The following DNAJC11 variants were observed in gnomAD, a reference collection of about 807,000 sequenced individuals.
The protein encoded by DNAJC11 is dnaJ homolog subfamily C member 11.
In DNAJC11, 15 loss-of-function variants were observed where a neutral mutation model predicts 78.6. The ratio of observed to expected loss-of-function variants is 0.19; its 90% confidence interval spans 0.13 to 0.29. DNAJC11 has a LOEUF of 0.29. Ranked by LOEUF, DNAJC11 falls within the 10% of genes least tolerant of loss-of-function variation. The pLI is 1.00. For synonymous variants in DNAJC11, 292 were observed against 272.1 expected, an observed-to-expected ratio of 1.07 and a Z score of -0.72; for missense variants, 547 against 709.6, an observed-to-expected ratio of 0.77 and a Z score of 2.60.
At chr1:6,636,505 G>C (rs1641771473) in intron 14 of DNAJC11, among the ~76,000 whole-genome samples, 1 of 152,204 alleles carries the variant, frequency 6.6e-6, no homozygotes, top group African/African-American at 2.4e-5. Flanking sequence ...GAGCTAACCT[G>C]CATTTTCATC....
At chr1:6,677,736 T>TCTACTACTGCTCA (rs1553130237) in intron 3 of DNAJC11, among the ~76,000 whole-genome samples, 1 of 152,240 alleles carries the variant, frequency 6.6e-6, no homozygotes, top group African/African-American at 2.4e-5. Flanking sequence ...CTACTGCTAG[T>TCTACTACTGCTCA]CAGTGGCAGT....
chr1:6,686,093 CTTAT>C (rs1228195818), intron 1 of DNAJC11, among the ~76,000 whole-genome samples: 1 of 152,120 alleles, frequency 6.6e-6, no homozygotes, highest in Admixed American at 6.5e-5. Flanking sequence ...GTATTTGTGT[CTTAT>C]TTTACAACAA....
At chr1:6,654,060 G>A (rs367617834) in intron 4 of DNAJC11, 21 bp from the exon 5 acceptor site, 13 of 1,610,020 alleles carry the variant, frequency 8.1e-6, no homozygotes, top group African/African-American at 2.7e-5. Context: ...AAAACAAGCC[G>A]TCAGCAGAAC....
intron 4 of DNAJC11, among the ~76,000 whole-genome samples, chr1:6,664,915 A>G (rs1187658727): frequency 6.6e-6 from 1 of 151,998 alleles, no homozygotes; most frequent in African/African-American, 2.4e-5. Context: ...GGAAATCCCT[A>G]CCTAATCTGC....
In DNAJC11 at chr1:6,638,376, G is replaced by C. The variant is rs750444549; in HGVS notation, c.1254-12C>G. On this transcript the variant is annotated splice_polypyrimidine_tract_variant and intron_variant, in intron 11 of 15. Transcript: ENST00000377577. ...GCTTCTCCAATTCCCTTACGCGAGA[G>C]GAACACAAGCCCCACGTTAGCGCGG... The C allele has an allele frequency of 1.2e-6, 2 of 1,612,254 alleles. No individual in the cohort carries two copies. Among genetic ancestry groups the C allele is most frequent in the Non-Finnish European group, 1.7e-6 (2 of 1,179,108 alleles).
intron 1 of DNAJC11, among the ~76,000 whole-genome samples, chr1:6,692,783 G>T (rs557056520): frequency 1.3e-5 from 2 of 151,360 alleles, no homozygotes; most frequent in Non-Finnish European, 2.9e-5. Context: ...GCTAATTTTT[G>T]TATTTTTAGT....
chr1:6,662,015 G>A lies in DNAJC11; in HGVS notation c.378+5694C>T, dbSNP rs931174746. Among the ~76,000 whole-genome samples, 4 of 151,994 alleles carry A rather than the reference G, an allele frequency of 2.6e-5. No individual in the cohort carries two copies. The East Asian group carries it at 5.8e-4, about 22-fold the overall frequency. ...TTGAAGGCTGGAGCCAGGCTGGCACGATCCTGGCTTACTGCAACCTCCACC... is the reference window on the plus strand; with the variant it reads ...TTGAAGGCTGGAGCCAGGCTGGCACAATCCTGGCTTACTGCAACCTCCACC... On this transcript the variant is annotated intron_variant, in intron 4 of 15. Transcript: ENST00000377577.
At chr1:6,659,675 T>C (rs201172) in intron 4 of DNAJC11, among the ~76,000 whole-genome samples, 107,256 of 151,978 alleles carry the variant, frequency 0.71, 38,200 homozygotes, top group Middle Eastern at 0.8. Flanking sequence ...GCAGAAGAAT[T>C]GCTTGAATCC....
rs765483208 is a variant in DNAJC11 at position 6,637,179 on chromosome 1, G to A, written c.1524+19C>T. 1.2e-6 allele frequency: 2 copies of A among 1,613,932 alleles called. No individual in the cohort carries two copies. The highest frequency in any genetic ancestry group is 2.2e-5 in the South Asian group (2 of 91,062). ...CAAATCTGTGAGCACATAGCATGTG[G>A]TGGCTGGTGCTGCTGTACCTTGGAG... On this transcript the variant is annotated intron_variant, in intron 14 of 15. Transcript: ENST00000377577.
At chr1:6,657,935 A>G (rs972820118) in intron 4 of DNAJC11, among the ~76,000 whole-genome samples, 33 of 151,854 alleles carry the variant, frequency 2.2e-4, no homozygotes, top group African/African-American at 5.3e-4. Flanking sequence ...GTGAGCCCCC[A>G]TGCCCAGCCA....
intron 7 of DNAJC11, among the ~76,000 whole-genome samples, chr1:6,649,512 C>G (rs184713296): frequency 6.6e-6 from 1 of 152,272 alleles, no homozygotes; most frequent in East Asian, 1.9e-4. Context: ...GCCTGCCCCA[C>G]AGGCCACGTC....
In DNAJC11 at chr1:6,675,922, G is replaced by A. The variant is rs539111786; in HGVS notation, c.276+2472C>T. On this transcript the variant is annotated intron_variant, in intron 3 of 15. Transcript: ENST00000377577. ...TAATGGGGTCCTACAGCTTTTCAGT[G>A]ACTCCAATTGCTGACTTGAAAAATT... is the stretch of plus-strand genomic sequence containing the variant. Among the ~76,000 whole-genome samples the A allele has an allele frequency of 3.3e-5, 5 of 152,230 alleles. No individual in the cohort carries two copies. In the South Asian group the frequency reaches 1.0e-3, roughly 32 times the overall value.
chr1:6,649,182 C>G (rs935774548), intron 7 of DNAJC11, among the ~76,000 whole-genome samples: 2 of 151,582 alleles, frequency 1.3e-5, no homozygotes, highest in Admixed American at 6.6e-5. Context: ...TCTGGAAGCA[C>G]TGCTTTTTTT....
intron 10 of DNAJC11, among the ~76,000 whole-genome samples, chr1:6,643,277 ATTTTT>A (rs60341247): frequency 1.4e-5 from 2 of 138,222 alleles, no homozygotes; most frequent in Non-Finnish European, 1.6e-5. Context: ...GAAAACAGAC[ATTTTT>A]TTTTTTTTTT....
At chr1:6,661,846 A>G (rs1310679510) in intron 4 of DNAJC11, among the ~76,000 whole-genome samples, 2 of 152,210 alleles carry the variant, frequency 1.3e-5, no homozygotes, top group Non-Finnish European at 1.5e-5. Flanking sequence ...GGCAACCCCA[A>G]CATCCTTTAA....
At chr1:6,697,354 G>A (rs1453516055) in intron 1 of DNAJC11, among the ~76,000 whole-genome samples, 3 of 152,220 alleles carry the variant, frequency 2.0e-5, no homozygotes, top group African/African-American at 4.8e-5. Context: ...CCACGGACTG[G>A]TTTCATGGAA....
intron 1 of DNAJC11, among the ~76,000 whole-genome samples, chr1:6,689,737 T>C (rs1055366078): frequency 4.0e-5 from 6 of 151,364 alleles, no homozygotes; most frequent in Admixed American, 2.6e-4. Context: ...GATTGCACCA[T>C]TGTACTCCAG....
chr1:6,644,064 G>T (rs1641927158), intron 10 of DNAJC11, among the ~76,000 whole-genome samples: 1 of 151,952 alleles, frequency 6.6e-6, no homozygotes, highest in South Asian at 2.1e-4. Context: ...TAGAGATGGG[G>T]TTTCACCATG....
chr1:6,646,925 G>A (rs1440463065), intron 7 of DNAJC11, among the ~76,000 whole-genome samples: 1 of 151,876 alleles, frequency 6.6e-6, no homozygotes, highest in Non-Finnish European at 1.5e-5. Flanking sequence ...GGAGGCTGAG[G>A]AGGCAAATTG....
Sources: gnomAD v4.1 joint callset for allele counts (sites outside exome capture counted in the v4.1 genomes callset) on GRCh38, gnomAD v4.1.1 for gene constraint, MANE v1.5 for transcripts, NCBI Gene and HGNC (gene_info 2026-07-23, HGNC 2026-07-21) for gene names.